The following COP1 variants were observed in gnomAD, a reference collection of about 807,000 sequenced individuals.
COP1 encodes the protein E3 ubiquitin-protein ligase COP1.
A neutral mutation model predicts 101.3 loss-of-function variants in COP1; 24 were observed. The observed-to-expected ratio is 0.24, with a 90% confidence interval of 0.17 to 0.33. COP1 has a LOEUF of 0.33. Among genes scored for constraint, COP1 ranks in the 10% least tolerant of loss-of-function variants. The pLI is 1.00. For missense variants in COP1, 663 were observed against 906.2 expected, an observed-to-expected ratio of 0.73 and a Z score of 3.45; for synonymous variants, 347 against 341.9, an observed-to-expected ratio of 1.01 and a Z score of -0.17.
intron 1 of COP1, among the ~76,000 whole-genome samples, chr1:176,196,980 A>G (rs1572804701): frequency 6.6e-6 from 1 of 152,150 alleles, no homozygotes; most frequent in East Asian, 1.9e-4. Context: ...GAAACCAGCA[A>G]TAATACCTAT....
intron 18 of COP1, among the ~76,000 whole-genome samples, chr1:175,970,249 G>A (rs1359496829): frequency 6.6e-6 from 1 of 152,130 alleles, no homozygotes; most frequent in Non-Finnish European, 1.5e-5. Context: ...GAGATAAAAT[G>A]GTTAAAAGAG....
Position 176,179,471 on chromosome 1 carries a change from G to T in COP1, c.468-3464C>A, listed in dbSNP as rs901536927. ...TTTGTTAGGCTGGGTGCAGTGGCTC[G>T]TGCCTGTAATCTCAGCAATTTGCGA... On this transcript the variant is annotated intron_variant, in intron 2 of 19. Transcript: ENST00000367669. Among the ~76,000 whole-genome samples the T allele has an allele frequency of 2.6e-5, 4 of 152,128 alleles. No individual in the cohort carries two copies. The East Asian group carries it at 5.8e-4, about 22-fold the overall frequency.
chr1:176,136,418 T>G, intron 7 of COP1, 70 bp downstream of exon 7: 1 of 1,044,994 alleles, frequency 9.6e-7, no homozygotes, highest in Non-Finnish European at 1.5e-6. Context: ...ACACAGCAAC[T>G]TAATGGAAAG....
At chr1:176,035,340 T>G (rs188413845) in intron 14 of COP1, among the ~76,000 whole-genome samples, 4 of 150,700 alleles carry the variant, frequency 2.7e-5, no homozygotes, top group African/African-American at 9.8e-5. Flanking sequence ...GACAGAACAA[T>G]ATAAATTACC....
intron 18 of COP1, among the ~76,000 whole-genome samples, chr1:175,978,353 TTTG>T (rs762756070): frequency 6.6e-6 from 1 of 152,162 alleles, no homozygotes; most frequent in Non-Finnish European, 1.5e-5. Context: ...TAAATCATAT[TTTG>T]TTGATTTTAT....
Position 176,161,128 on chromosome 1 carries a change from A to G in COP1, c.762+1741T>C, listed in dbSNP as rs1391420048. 2.0e-5 allele frequency among the ~76,000 whole-genome samples: 3 copies of G among 152,168 alleles called. No homozygotes were observed. In the East Asian group the frequency reaches 5.8e-4, roughly 29 times the overall value. On this transcript the variant is annotated intron_variant, in intron 5 of 19. Transcript: ENST00000367669. Reference sequence around the variant, plus strand: ...TGTAGCATTCAGTTTCCTCAGATCTACTTATCTGTTACCTTTTGTCCATCT... The same window carrying G: ...TGTAGCATTCAGTTTCCTCAGATCTGCTTATCTGTTACCTTTTGTCCATCT...
intron 1 of COP1, among the ~76,000 whole-genome samples, chr1:176,196,737 C>T (rs988706095): frequency 6.6e-6 from 1 of 152,044 alleles, no homozygotes; most frequent in Admixed American, 6.5e-5. Flanking sequence ...CATTCCATAT[C>T]GTCTTTTAGA....
At chr1:176,144,884 A>G (rs12403794) in intron 6 of COP1, among the ~76,000 whole-genome samples, 16,617 of 152,222 alleles carry the variant, frequency 0.11, 997 homozygotes, top group Middle Eastern at 0.16. Flanking sequence ...ATAGATCTAA[A>G]TATGAAAGAT....
chr1:176,129,576 A>G (rs1688584476), intron 8 of COP1, among the ~76,000 whole-genome samples: 1 of 151,872 alleles, frequency 6.6e-6, no homozygotes, highest in African/African-American at 2.4e-5. Context: ...ACTACCTTAG[A>G]AAAACAAGAC....
At chr1:176,110,006 G>A (rs915567546) in intron 9 of COP1, among the ~76,000 whole-genome samples, 11 of 151,910 alleles carry the variant, frequency 7.2e-5, no homozygotes, top group Admixed American at 6.6e-5. Context: ...TTCCACTAGC[G>A]GTATTTTTTG....
intron 18 of COP1, among the ~76,000 whole-genome samples, chr1:175,962,533 CT>C (rs1205794510): frequency 2.6e-5 from 4 of 152,100 alleles, no homozygotes; most frequent in African/African-American, 4.8e-5. Context: ...CAAACCGAGC[CT>C]TTTCATTGGG....
chr1:176,092,165 AAG>A (rs1681449914), intron 9 of COP1, among the ~76,000 whole-genome samples: 1 of 152,130 alleles, frequency 6.6e-6, no homozygotes, highest in Non-Finnish European at 1.5e-5. Context: ...AGTGTTATGC[AAG>A]TAACACTAGT....
At chr1:176,002,771 G>A (rs1230824437) in intron 15 of COP1, among the ~76,000 whole-genome samples, 1 of 149,232 alleles carries the variant, frequency 6.7e-6, no homozygotes, top group African/African-American at 2.5e-5. Context: ...GGACATTTGG[G>A]TTGGTTCCAA....
intron 18 of COP1, among the ~76,000 whole-genome samples, chr1:175,981,722 T>C (rs568944392): frequency 9.2e-5 from 14 of 152,196 alleles, no homozygotes; most frequent in Middle Eastern, 3.4e-3. Flanking sequence ...AACATGTGGA[T>C]TGGGAGAAAA....
At chr1:176,051,837 G>T (rs1015177544) in intron 11 of COP1, among the ~76,000 whole-genome samples, 2 of 151,876 alleles carry the variant, frequency 1.3e-5, no homozygotes, top group African/African-American at 4.8e-5. Context: ...AATAGAAAAG[G>T]GTATGAAGAA....
chr1:176,050,685 T>G (rs1229412718), intron 11 of COP1, among the ~76,000 whole-genome samples: 1 of 152,222 alleles, frequency 6.6e-6, no homozygotes, highest in Non-Finnish European at 1.5e-5. Flanking sequence ...TACTCAACTT[T>G]CTTCCAATCA....
chr1:176,078,963 C>T (rs932329588), intron 11 of COP1, among the ~76,000 whole-genome samples: 2 of 151,842 alleles, frequency 1.3e-5, no homozygotes, highest in Admixed American at 1.3e-4. Flanking sequence ...AGCAGAATGG[C>T]AATTATTAAA....
At chr1:175,999,001 ACT>A (rs780717388) in intron 15 of COP1, among the ~76,000 whole-genome samples, 32 of 152,002 alleles carry the variant, frequency 2.1e-4, no homozygotes, top group East Asian at 5.8e-4. Context: ...GGTTTCTATG[ACT>A]CTCTATTTTG....
chr1:176,196,933 A>G (rs1017060932), intron 1 of COP1, among the ~76,000 whole-genome samples: 2 of 151,570 alleles, frequency 1.3e-5, no homozygotes, highest in African/African-American at 4.9e-5. Context: ...GAAAGAGTGA[A>G]ACCAGCAGGA....
Sources: gnomAD v4.1 joint callset for allele counts (sites outside exome capture counted in the v4.1 genomes callset) on GRCh38, gnomAD v4.1.1 for gene constraint, MANE v1.5 for transcripts, NCBI Gene and HGNC (gene_info 2026-07-23, HGNC 2026-07-21) for gene names.